The following ETV6 variants were observed in gnomAD, a reference collection of about 807,000 sequenced individuals.
The protein encoded by ETV6 is ETS variant transcription factor 6.
A neutral mutation model predicts 51.1 loss-of-function variants in ETV6; 16 were observed. The observed-to-expected ratio is 0.31, with a 90% CI of 0.21 to 0.48. The LOEUF (loss-of-function observed/expected upper bound fraction) is 0.48. Among genes scored for constraint, ETV6 ranks in the 20% least tolerant of loss-of-function variants. The pLI, the probability that ETV6 is intolerant of heterozygous loss-of-function variation, is 0.99. For synonymous variants in ETV6, 240 were observed against 224.1 expected (o/e 1.07, Z -0.64); for missense variants, 458 against 594.8 (o/e 0.77, Z 2.39).
At chr12:11,683,220 T>A (rs7959231) in intron 1 of ETV6, among the ~76,000 whole-genome samples, 9,574 of 152,286 alleles carry the variant, frequency 0.063, 309 homozygotes, top group Non-Finnish European at 0.078. Flanking sequence ...ATTTTTGTAT[T>A]TTTAGTAGAG....
At position 11,890,875 on chromosome 12, in the gene ETV6, G is replaced by C. The variant is rs900242330; in HGVS notation, c.1254-66G>C. Reference sequence around the variant, plus strand: ...GGAGTCTTTCTTTATATACAGGCTAGAGTTCAGAGTGAAGACAGCTTTAGG... The same window carrying C: ...GGAGTCTTTCTTTATATACAGGCTACAGTTCAGAGTGAAGACAGCTTTAGG... On this transcript the variant is annotated intron_variant, in intron 7 of 7. Transcript: ENST00000396373. The C allele has an allele frequency of 1.1e-4, 132 of 1,185,294 alleles. No homozygotes were observed. In the African/African-American group the frequency reaches 1.9e-3, roughly 17 times the overall value. 73.4% of individuals were successfully genotyped at this position (1,185,294 alleles called of 1,614,324 possible). A position where few individuals can be genotyped will look rare whatever the true frequency, so the allele number is the denominator to read the frequency against.
chr12:11,811,036 C>G (rs187322288), intron 2 of ETV6, among the ~76,000 whole-genome samples: 73 of 152,178 alleles, frequency 4.8e-4, no homozygotes, highest in African/African-American at 1.8e-3. Context: ...TTTATTAAAA[C>G]AAAGCCTCAA....
chr12:11,755,758 C>G (rs1468836667), intron 2 of ETV6, among the ~76,000 whole-genome samples: 1 of 152,190 alleles, frequency 6.6e-6, no homozygotes, highest in Non-Finnish European at 1.5e-5. Context: ...GGAAGAATCT[C>G]AAAGCCAAGA....
At chr12:11,732,924 A>C (rs975326233) in intron 1 of ETV6, among the ~76,000 whole-genome samples, 7 of 152,122 alleles carry the variant, frequency 4.6e-5, no homozygotes, top group Non-Finnish European at 1.0e-4. Context: ...CTTACTCCTC[A>C]TTTTGGGGTG....
chr12:11,760,200 ATATT>A (rs1311157265), intron 2 of ETV6, among the ~76,000 whole-genome samples: 2 of 152,220 alleles, frequency 1.3e-5, no homozygotes, highest in Non-Finnish European at 2.9e-5. Context: ...CACTGCCCCA[ATATT>A]TACTGCCTCC....
chr12:11,779,155 C>T (rs1474702267), intron 2 of ETV6, among the ~76,000 whole-genome samples: 5 of 152,186 alleles, frequency 3.3e-5, no homozygotes, highest in African/African-American at 7.2e-5. Context: ...TGCACACGTG[C>T]GTCTCTGCGT....
chr12:11,702,103 G>A (rs910817548), intron 1 of ETV6, among the ~76,000 whole-genome samples: 3 of 152,148 alleles, frequency 2.0e-5, no homozygotes, highest in Non-Finnish European at 2.9e-5. Context: ...TTGACAGGGG[G>A]GTGTGAATGG....
chr12:11,699,986 A>G (rs1864948608), intron 1 of ETV6, among the ~76,000 whole-genome samples: 1 of 152,016 alleles, frequency 6.6e-6, no homozygotes, highest in Non-Finnish European at 1.5e-5. Flanking sequence ...CTTTTTATAA[A>G]CCTTAGTCCA....
chr12:11,734,575 A>G (rs1400710275), intron 1 of ETV6, among the ~76,000 whole-genome samples: 5 of 151,888 alleles, frequency 3.3e-5, no homozygotes, highest in Non-Finnish European at 5.9e-5. Context: ...CTGTATGTCT[A>G]TACATAGGTA....
intron 2 of ETV6, among the ~76,000 whole-genome samples, chr12:11,759,263 C>T (rs189679037): frequency 9.9e-5 from 15 of 152,108 alleles, no homozygotes; most frequent in African/African-American, 3.6e-4. Context: ...AAGGCAGTTC[C>T]TCCAGCGTCA....
intron 1 of ETV6, among the ~76,000 whole-genome samples, chr12:11,733,049 T>C (rs896727139): frequency 6.6e-6 from 1 of 152,164 alleles, no homozygotes; most frequent in Non-Finnish European, 1.5e-5. Context: ...TGTTTCTCCA[T>C]TGATGAAATA....
chr12:11,664,565 C>A (rs1864160163), intron 1 of ETV6, among the ~76,000 whole-genome samples: 1 of 152,070 alleles, frequency 6.6e-6, no homozygotes, highest in African/African-American at 2.4e-5. Context: ...TCTTCAAAGG[C>A]CAACTTAAAG....
chr12:11,735,052 A>G (rs981428514), intron 1 of ETV6, among the ~76,000 whole-genome samples: 2 of 140,086 alleles, frequency 1.4e-5, no homozygotes, highest in Non-Finnish European at 1.5e-5. Context: ...AATTTATGGC[A>G]TGTGTCCCAA....
At chr12:11,741,481 C>T (rs1865809388) in intron 1 of ETV6, among the ~76,000 whole-genome samples, 1 of 152,168 alleles carries the variant, frequency 6.6e-6, no homozygotes, top group South Asian at 2.1e-4. Flanking sequence ...TTGTCTTGCT[C>T]CTGCCACACA....
intron 4 of ETV6, among the ~76,000 whole-genome samples, chr12:11,861,490 G>A (rs2238129): frequency 0.4 from 60,080 of 151,752 alleles, 14,217 homozygotes; most frequent in South Asian, 0.6. Context: ...CTGGGCCCTC[G>A]GCCTATTACA....
intron 2 of ETV6, among the ~76,000 whole-genome samples, chr12:11,832,973 C>A (rs547125515): frequency 2.6e-5 from 4 of 152,090 alleles, no homozygotes; most frequent in Non-Finnish European, 4.4e-5. Context: ...CCACAGATGA[C>A]GTGAAATTAC....
intron 7 of ETV6, among the ~76,000 whole-genome samples, chr12:11,890,065 CA>C (rs1368243983): frequency 6.6e-6 from 1 of 151,070 alleles, no homozygotes; most frequent in East Asian, 1.9e-4. Flanking sequence ...CAAAGGTAGA[CA>C]GACTAAAGAG....
At chr12:11,731,836 A>G (rs1313434774) in intron 1 of ETV6, among the ~76,000 whole-genome samples, 2 of 152,182 alleles carry the variant, frequency 1.3e-5, no homozygotes, top group South Asian at 2.1e-4. Flanking sequence ...ACTTCCAGCT[A>G]AATGCATTTT....
At chr12:11,847,815 A>T (rs1354380216) in intron 3 of ETV6, among the ~76,000 whole-genome samples, 4 of 152,198 alleles carry the variant, frequency 2.6e-5, no homozygotes, top group Non-Finnish European at 4.4e-5. Flanking sequence ...GCAGTTCCTA[A>T]CAGGGAGGAT....
Sources: gnomAD v4.1 joint callset for allele counts (sites outside exome capture counted in the v4.1 genomes callset) on GRCh38, gnomAD v4.1.1 for gene constraint, MANE v1.5 for transcripts, NCBI Gene and HGNC (gene_info 2026-07-23, HGNC 2026-07-21) for gene names.